Variants in DIP2C observed in about 807,000 individuals in gnomAD.
DIP2C encodes disco-interacting protein 2 homolog C.
Under a neutral mutation model 192.4 loss-of-function variants are expected in DIP2C, and 33 were observed. That is an observed-to-expected ratio of 0.17 (90% CI 0.13 to 0.23). DIP2C has a LOEUF of 0.23. Among genes scored for constraint, DIP2C ranks in the 10% least tolerant of loss-of-function variants. DIP2C has a pLI of 1.00. For synonymous variants in DIP2C, 979 were observed against 864.1 expected (o/e 1.13, Z -2.33); for missense variants, 1,537 against 2,110.1 (o/e 0.73, Z 5.32).
At chr10:428,383 T>C (rs1029314845) in intron 4 of DIP2C, among the ~76,000 whole-genome samples, 1 of 152,180 alleles carries the variant, frequency 6.6e-6, no homozygotes, top group African/African-American at 2.4e-5. Context: ...TGTGAATGTG[T>C]CGTTTCATCC....
intron 1 of DIP2C, among the ~76,000 whole-genome samples, chr10:526,562 TAAA>T (rs1157631816): frequency 3.3e-5 from 5 of 150,676 alleles, no homozygotes; most frequent in African/African-American, 9.8e-5. Flanking sequence ...TGGCATTTAA[TAAA>T]AAATTCTTTT....
At chr10:560,037 A>C (rs1588462818) in intron 1 of DIP2C, among the ~76,000 whole-genome samples, 1 of 119,256 alleles carries the variant, frequency 8.4e-6, no homozygotes, top group Non-Finnish European at 1.7e-5. Flanking sequence ...TCCGGTTCTC[A>C]CCTCTCCCTC....
intron 25 of DIP2C, 24 bp downstream of exon 25, chr10:349,307 G>T (rs745389286): frequency 1.9e-6 from 3 of 1,592,192 alleles, no homozygotes; most frequent in Non-Finnish European, 2.6e-6. Flanking sequence ...CATCTCTCAG[G>T]GGAAGCCCAC....
intron 31 of DIP2C, among the ~76,000 whole-genome samples, chr10:319,203 G>A (rs1480729507): frequency 6.6e-6 from 1 of 152,096 alleles, no homozygotes; most frequent in Non-Finnish European, 1.5e-5. Context: ...GTGAGCCACC[G>A]CGCCTGGCTC....
intron 1 of DIP2C, among the ~76,000 whole-genome samples, chr10:627,178 C>A (rs1446099022): frequency 2.0e-5 from 3 of 152,234 alleles, no homozygotes; most frequent in Non-Finnish European, 4.4e-5. Flanking sequence ...CAGGCCTGCC[C>A]CACACACCAG....
At chr10:318,516 A>C (rs943800708) in intron 31 of DIP2C, among the ~76,000 whole-genome samples, 12 of 152,208 alleles carry the variant, frequency 7.9e-5, no homozygotes, top group Non-Finnish European at 1.3e-4. Flanking sequence ...GCTGCTGCAC[A>C]AGCGGTTCCC....
intron 31 of DIP2C, among the ~76,000 whole-genome samples, chr10:317,962 T>C (rs1317220715): frequency 1.3e-5 from 2 of 152,302 alleles, no homozygotes; most frequent in African/African-American, 2.4e-5. Context: ...AGAGGAGGCA[T>C]CGCCTAGGAA....
chr10:531,976 G>A (rs1422698686), intron 1 of DIP2C, among the ~76,000 whole-genome samples: 1 of 152,216 alleles, frequency 6.6e-6, no homozygotes, highest in African/African-American at 2.4e-5. Context: ...AGAGAACACA[G>A]GGTACCAACC....
intron 1 of DIP2C, among the ~76,000 whole-genome samples, chr10:646,016 C>G (rs1855432196): frequency 6.6e-6 from 1 of 152,220 alleles, no homozygotes; most frequent in African/African-American, 2.4e-5. Context: ...CAGACTTAAA[C>G]ACTTTCTGGA....
rs1482048166 is a variant in DIP2C, at chr10:664,313, G to A, written c.85+25181C>T. ...AACCTAACAATTCTCTTTTGCTCCAGGAGAGAGAAAAGAAGGAATGGTTTG... is the reference window on the plus strand; with the variant it reads ...AACCTAACAATTCTCTTTTGCTCCAAGAGAGAGAAAAGAAGGAATGGTTTG... On this transcript the variant is annotated intron_variant, in intron 1 of 36. Coordinates refer to ENST00000280886, the MANE Select transcript of DIP2C (RefSeq NM_014974.3). 9 of 152,212 alleles carry A rather than the reference G, an allele frequency of 5.9e-5. No individual in the cohort carries two copies. In the East Asian group the frequency reaches 1.2e-3, roughly 20 times the overall value. The allele number at this position is 152,212 out of a possible 1,614,324, so 9.4% of individuals were successfully genotyped here.
chr10:348,838 C>T, intron 25 of DIP2C, 76 bp from the exon 26 acceptor site: 4 of 1,571,626 alleles, frequency 2.5e-6, no homozygotes, highest in Non-Finnish European at 3.4e-6. Flanking sequence ...AGCATCAATG[C>T]TTGTCTGGGG....
chr10:393,983 A>C (rs1468837829), intron 10 of DIP2C, among the ~76,000 whole-genome samples: 2 of 152,232 alleles, frequency 1.3e-5, no homozygotes, highest in Admixed American at 1.3e-4. Flanking sequence ...TAGCACAGCC[A>C]TTATGGAAAA....
chr10:579,916 A>G (rs1399269827), intron 1 of DIP2C, among the ~76,000 whole-genome samples: 1 of 152,068 alleles, frequency 6.6e-6, no homozygotes, highest in Non-Finnish European at 1.5e-5. Context: ...TATGCATACA[A>G]TGTACATATA....
In DIP2C at chr10:591,994, T is replaced by C. The variant is rs1195685239; in HGVS notation, c.85+97500A>G. Among the ~76,000 whole-genome samples the C allele has an allele frequency of 3.3e-5, 5 of 152,314 alleles. No individual in the cohort carries two copies. The East Asian group carries it at 7.7e-4, about 23-fold the overall frequency. On this transcript the variant is annotated intron_variant, in intron 1 of 36. Transcript: ENST00000280886. Reference sequence around the variant, plus strand: ...GAGTCTAAGTCGCCAGAAAACCATATTCAAGTGTCATTTCACATTTCAAGC... The same window carrying C: ...GAGTCTAAGTCGCCAGAAAACCATACTCAAGTGTCATTTCACATTTCAAGC...
rs1447784658 is a variant in DIP2C, at chr10:671,617, C to T, written c.85+17877G>A. Among the ~76,000 whole-genome samples the T allele has an allele frequency of 2.7e-4, 24 of 87,326 alleles. 1 individual carries two copies. Among genetic ancestry groups the T allele is most frequent in the African/African-American group, 4.2e-4 (8 of 18,876 alleles). The allele number at this position is 87,326 out of a possible 152,430, so 57.3% of individuals were successfully genotyped here. On this transcript the variant is annotated intron_variant, in intron 1 of 36. Coordinates refer to ENST00000280886, the MANE Select transcript of DIP2C (RefSeq NM_014974.3). The stretch of plus-strand genomic sequence containing the variant: ...CACAGACGCACCGACGGAGGAAACG[C>T]CACAGACGCACGGACGGAGGAAACG...
rs543750191 is a variant in DIP2C, at chr10:411,545, G to C, written c.1057+2368C>G. ...CTAAATTTGGGGGTTGAGGGGAAAC[G>C]GCAGGACTTTAGAGAATACAGCCCC... is the stretch of plus-strand genomic sequence containing the variant. On this transcript the variant is annotated intron_variant, in intron 8 of 36. Transcript: ENST00000280886. 2.6e-5 allele frequency among the ~76,000 whole-genome samples: 4 copies of C among 152,260 alleles called. No homozygotes were observed. The South Asian group carries it at 8.3e-4, about 32-fold the overall frequency.
At chr10:670,256 A>G (rs918584893) in intron 1 of DIP2C, among the ~76,000 whole-genome samples, 4 of 151,796 alleles carry the variant, frequency 2.6e-5, no homozygotes, top group African/African-American at 4.9e-5. Context: ...ACACACGTAC[A>G]TGCACATACA....
chr10:500,785 C>G (rs925243687), intron 1 of DIP2C, among the ~76,000 whole-genome samples: 2 of 152,198 alleles, frequency 1.3e-5, no homozygotes, highest in Non-Finnish European at 2.9e-5. Context: ...GATAACAAAA[C>G]AAGACAGGCC....
At chr10:426,887 A>G (rs781086545) in intron 4 of DIP2C, among the ~76,000 whole-genome samples, 2 of 152,226 alleles carry the variant, frequency 1.3e-5, no homozygotes, top group Non-Finnish European at 2.9e-5. Context: ...TCCCTACTGC[A>G]CAGATAAAAA....
Sources: allele counts gnomAD v4.1 joint callset (sites outside exome capture counted in the v4.1 genomes callset), GRCh38; gene constraint gnomAD v4.1.1; transcripts MANE v1.5; gene names NCBI Gene and HGNC (gene_info 2026-07-23, HGNC 2026-07-21).